The following PRKX variants were observed in gnomAD, a reference collection of about 807,000 sequenced individuals.
The protein encoded by PRKX is cAMP-dependent protein kinase catalytic subunit PRKX.
A neutral mutation model predicts 22.0 loss-of-function variants in PRKX; 12 were observed. The observed-to-expected ratio is 0.54, with a 90% confidence interval of 0.35 to 0.88. The LOEUF is 0.88. PRKX is among the 40% of genes least tolerant of loss of function. The pLI is 0.01. For missense variants in PRKX, 217 were observed against 308.0 expected (o/e 0.70, Z 2.21); for synonymous variants, 134 against 137.7 (o/e 0.97, Z 0.19).
intron 1 of PRKX, among the ~76,000 whole-genome samples, chrX:3,707,089 C>T (rs756384501): frequency 1.6e-4 from 18 of 111,560 alleles, no homozygotes; most frequent in African/African-American, 4.2e-4. Context: ...GATTGCACCA[C>T]GGCACCCCAG....
At position 3,605,562 on chromosome X, in the gene PRKX, C is replaced by T. The variant is rs28726118; in HGVS notation, c.*3407G>A. The T allele has an allele frequency of 9.8e-6, 1 of 102,531 alleles. No individual in the cohort carries two copies. The highest frequency in any genetic ancestry group is 2.1e-5 in the Non-Finnish European group (1 of 48,151). 8.4% of individuals were successfully genotyped at this position (102,531 alleles called of 1,213,427 possible). A position where few individuals can be genotyped will look rare whatever the true frequency, so the allele number is the denominator to read the frequency against. On this transcript the variant is annotated 3_prime_UTR_variant, in exon 9 of 9. Coordinates refer to ENST00000262848, the MANE Select transcript of PRKX (RefSeq NM_005044.5). Reference sequence around the variant, plus strand: ...CCATGTAGGTCAAACACAGAAATGGCGAACACATCCCAAACCACTCAACTG... The same window carrying T: ...CCATGTAGGTCAAACACAGAAATGGTGAACACATCCCAAACCACTCAACTG...
At chrX:3,672,630 G>A (rs192132503) in intron 2 of PRKX, among the ~76,000 whole-genome samples, 1 of 111,231 alleles carries the variant, frequency 9.0e-6, no homozygotes, top group Non-Finnish European at 1.9e-5. Context: ...CCTGCTCCAG[G>A]AGGCGCAGGG....
chrX:3,691,866 A>T (rs113781559), intron 1 of PRKX, among the ~76,000 whole-genome samples: 7 of 80,270 alleles, frequency 8.7e-5, no homozygotes, highest in African/African-American at 1.9e-4. Flanking sequence ...GATTGATTGA[A>T]TGACTGACTG....
intron 2 of PRKX, chrX:3,670,358 T>A (rs1481925940): frequency 8.1e-6 from 1 of 123,077 alleles, no homozygotes; most frequent in African/African-American, 3.2e-5. Context: ...GCCAAGTGTC[T>A]GAATGCACTG....
intron 2 of PRKX, among the ~76,000 whole-genome samples, chrX:3,661,438 C>T (rs1964279): frequency 0.37 from 40,186 of 108,075 alleles, 5,710 homozygotes; most frequent in Middle Eastern, 0.51. Context: ...GAGACTCTGT[C>T]TCTGCAAAAA....
intron 1 of PRKX, among the ~76,000 whole-genome samples, chrX:3,685,989 T>C (rs1293397356): frequency 8.9e-6 from 1 of 111,807 alleles, no homozygotes; most frequent in African/African-American, 3.3e-5. Context: ...GAGGCTGCAA[T>C]GAGTGCCATG....
chrX:3,696,703 G>C (rs1928448534), intron 1 of PRKX, among the ~76,000 whole-genome samples: 1 of 112,304 alleles, frequency 8.9e-6, no homozygotes, highest in Non-Finnish European at 1.9e-5. Flanking sequence ...TCATAAATTA[G>C]GGATCTTCTT....
chrX:3,633,463 C>T (rs1446104648), intron 4 of PRKX, among the ~76,000 whole-genome samples: 1 of 105,830 alleles, frequency 9.4e-6, no homozygotes, highest in African/African-American at 3.5e-5. Context: ...ACTCAAGAGG[C>T]GGAGGTGGGG....
chrX:3,621,168 CT>C, intron 6 of PRKX, 90 bp downstream of exon 6: 1 of 787,029 alleles, frequency 1.3e-6, no homozygotes, highest in Non-Finnish European at 1.9e-6. Context: ...ACCGCTAAGC[CT>C]TGGTTTATAC....
At chrX:3,638,216 T>A (rs1405378634) in intron 4 of PRKX, among the ~76,000 whole-genome samples, 1 of 111,652 alleles carries the variant, frequency 9.0e-6, no homozygotes. Flanking sequence ...ATTCTAAGAG[T>A]GTAATATTCT....
intron 4 of PRKX, among the ~76,000 whole-genome samples, chrX:3,635,543 A>C (rs1326748814): frequency 9.0e-6 from 1 of 110,994 alleles, no homozygotes; most frequent in Non-Finnish European, 1.9e-5. Flanking sequence ...ACTCTGCTGT[A>C]TGTCTTGTGT....
At chrX:3,666,158 T>C (rs1269490781) in intron 2 of PRKX, among the ~76,000 whole-genome samples, 1 of 98,245 alleles carries the variant, frequency 1.0e-5, no homozygotes, top group Non-Finnish European at 2.1e-5. Context: ...GTACATTTTT[T>C]TTTTTTTTTT....
At chrX:3,703,172 T>C (rs376774042) in intron 1 of PRKX, among the ~76,000 whole-genome samples, 22 of 111,432 alleles carry the variant, frequency 2.0e-4, no homozygotes, top group African/African-American at 6.9e-4. Context: ...TCCCAGCTAC[T>C]TGGGAGACTG....
rs1926233092 is a variant in PRKX at position 3,608,601 on chromosome X, A to G, written c.*368T>C. On this transcript the variant is annotated 3_prime_UTR_variant, in exon 9 of 9. Coordinates refer to ENST00000262848, the MANE Select transcript of PRKX (RefSeq NM_005044.5). ...CATACACACACACACACACACACAC[A>G]CACACACACACACACACACACAATT... The G allele has an allele frequency of 9.2e-6, 1 of 108,899 alleles. No homozygotes were observed. The allele number at this position is 108,899 out of a possible 1,213,427, so 9.0% of individuals were successfully genotyped here. A position where few individuals can be genotyped will look rare whatever the true frequency, so the allele number is the denominator to read the frequency against.
chrX:3,682,742 G>A (rs972731607), intron 1 of PRKX, among the ~76,000 whole-genome samples: 5 of 108,710 alleles, frequency 4.6e-5, no homozygotes, highest in Non-Finnish European at 9.6e-5. Flanking sequence ...TTCCCCTGGA[G>A]CCTCCAGAAA....
chrX:3,708,212 G>A (rs1311700553), intron 1 of PRKX, among the ~76,000 whole-genome samples: 1 of 111,353 alleles, frequency 9.0e-6, no homozygotes, highest in Non-Finnish European at 1.9e-5. Context: ...AGGACACAGC[G>A]AGAAGGCACC....
At chrX:3,687,439 A>G (rs1167399395) in intron 1 of PRKX, among the ~76,000 whole-genome samples, 1 of 112,082 alleles carries the variant, frequency 8.9e-6, no homozygotes. Flanking sequence ...GATAACAAAA[A>G]TCACTAATTT....
intron 8 of PRKX, among the ~76,000 whole-genome samples, chrX:3,609,973 T>G (rs1365181380): frequency 9.0e-6 from 1 of 111,725 alleles, no homozygotes; most frequent in Non-Finnish European, 1.9e-5. Flanking sequence ...TACAGGGTGA[T>G]TCAAACAAAG....
intron 1 of PRKX, 101 bp downstream of exon 1, chrX:3,712,987 C>T: frequency 2.1e-6 from 2 of 967,255 alleles, no homozygotes; most frequent in Non-Finnish European, 2.7e-6. Flanking sequence ...CGGGTCAGGG[C>T]CCTCCCCAGG....
Sources: allele counts gnomAD v4.1 joint callset (sites outside exome capture counted in the v4.1 genomes callset), GRCh38; gene constraint gnomAD v4.1.1; transcripts MANE v1.5; gene names NCBI Gene and HGNC (gene_info 2026-07-23, HGNC 2026-07-21).